TTC31: variants seen among roughly 807,000 people sequenced by gnomAD.
The protein encoded by TTC31 is tetratricopeptide repeat protein 31.
A neutral mutation model predicts 60.4 loss-of-function variants in TTC31; 59 were observed. The ratio of observed to expected loss-of-function variants is 0.98; its 90% CI spans 0.79 to 1.21. The LOEUF (loss-of-function observed/expected upper bound fraction) is 1.21. Ranked by LOEUF, TTC31 falls within the 50% of genes most tolerant of loss-of-function variation. The pLI, the probability that TTC31 is intolerant of heterozygous loss-of-function variation, is 0.00. For missense variants in TTC31, 672 were observed against 646.9 expected, an observed-to-expected ratio of 1.04 and a Z score of -0.42; for synonymous variants, 225 against 249.6, an observed-to-expected ratio of 0.90 and a Z score of 0.93.
rs1674130584 is a variant in TTC31 at position 74,493,087 on chromosome 2, C to T, written c.1429C>T (p.His477Tyr). 6.2e-7 allele frequency: 1 copy of T among 1,614,128 alleles called. No homozygotes were observed. The highest frequency in any genetic ancestry group is 8.5e-7 in the Non-Finnish European group (1 of 1,180,008). ...TCCACTCTTGCATTATCCTTCATGT[C>T]ACCGAAGCCACCCCAACCAGCCCCT... is the stretch of plus-strand genomic sequence containing the variant. ...LSPLLHYPSC[H>Y]RSHPNQPLSQ... Residue 477 changes from histidine to tyrosine, a missense_variant, in exon 13 of 13, where the codon CAC (histidine) becomes TAC (tyrosine). His to Tyr is a moderately conservative substitution (Grantham distance 83). Transcript: ENST00000233623.
intron 2 of TTC31, among the ~76,000 whole-genome samples, chr2:74,485,137 C>T (rs1315242309): frequency 6.6e-6 from 1 of 151,712 alleles, no homozygotes; most frequent in East Asian, 1.9e-4. Flanking sequence ...GGCAATTTTC[C>T]TGCCACAGCC....
rs1237645390 is a variant in TTC31 at position 74,491,392 on chromosome 2, T to C, written c.684+17T>C. 14 of 1,614,210 alleles carry C rather than the reference T, an allele frequency of 8.7e-6. No individual in the cohort carries two copies. The highest frequency in any genetic ancestry group is 1.1e-5 in the Non-Finnish European group (13 of 1,180,022). On this transcript the variant is annotated intron_variant, in intron 7 of 12. Coordinates refer to ENST00000233623, the MANE Select transcript of TTC31 (RefSeq NM_022492.6). ...GAAGAAGAGGTGAGAGCCCCTTTTT[T>C]CCCTTCTTGGTCTCTGCTCATTTTC...
At position 74,492,652 on chromosome 2, in the gene TTC31, A is replaced by G; in HGVS notation, c.1168A>G (p.Arg390Gly). The G allele has an allele frequency of 6.2e-7, 1 of 1,614,180 alleles. No homozygotes were observed. Among genetic ancestry groups the G allele is most frequent in the Admixed American group, 1.7e-5 (1 of 60,026 alleles). The change falls in exon 12 of 13, where the codon AGA (arginine) becomes GGA (glycine). Residue 390 changes from arginine (R) to glycine (G), a missense_variant. Arg to Gly is a moderately radical substitution (Grantham distance 125, BLOSUM62 -2). Transcript: ENST00000233623. Reference protein sequence around the residue: ...GKALMGLQRFREAAAVFQETL... With the variant: ...GKALMGLQRFGEAAAVFQETL... ...GATCCCTCTGGGACCAAAGCGCTTC[A>G]GAGAGGCAGCTGCTGTGTTTCAGGA...
rs1673998163 is a variant in TTC31 at position 74,492,258 on chromosome 2, A to G, written c.1019+29A>G. The G allele has an allele frequency of 3.7e-6, 6 of 1,613,700 alleles. No individual in the cohort carries two copies. In the Admixed American group the frequency reaches 8.3e-5, roughly 22 times the overall value. On this transcript the variant is annotated intron_variant, in intron 10 of 12. Transcript: ENST00000233623. ...GGTGGGGGCTTGGCCAGGGCAGGGC[A>G]GAGTGTTGAGGACTCAGACCTTTGG...
chr2:74,486,611 G>T (rs1444985013), intron 2 of TTC31, among the ~76,000 whole-genome samples: 1 of 152,146 alleles, frequency 6.6e-6, no homozygotes, highest in Non-Finnish European at 1.5e-5. Flanking sequence ...GTAGTGGTCA[G>T]GCCAAGTGTG....
chr2:74,487,686 T>A (rs115067042), intron 2 of TTC31, among the ~76,000 whole-genome samples: 2,451 of 152,038 alleles, frequency 0.016, 64 homozygotes, highest in African/African-American at 0.053. Flanking sequence ...TTAATTAATT[T>A]ATTTATTTTT....
At chr2:74,490,510 G>T in intron 4 of TTC31, 37 bp downstream of exon 4, 1 of 1,560,776 alleles carries the variant, frequency 6.4e-7, no homozygotes, top group Non-Finnish European at 8.7e-7. Flanking sequence ...CGTCCCCCAG[G>T]GTTCTTTCAA....
intron 4 of TTC31, 88 bp downstream of exon 4, chr2:74,490,561 C>A (rs1673727853): frequency 1.3e-6 from 2 of 1,535,302 alleles, no homozygotes; most frequent in East Asian, 2.4e-5. Context: ...TAATTGGTAC[C>A]TTTCAAGATC....
intron 2 of TTC31, among the ~76,000 whole-genome samples, chr2:74,484,575 C>T (rs1479114975): frequency 1.3e-5 from 2 of 152,044 alleles, no homozygotes; most frequent in Non-Finnish European, 2.9e-5. Flanking sequence ...TCTTCTGCCT[C>T]AGCCTCCTGA....
chr2:74,491,432 G>A (rs762110872), intron 7 of TTC31, 49 bp from the exon 8 acceptor site: 5 of 1,613,756 alleles, frequency 3.1e-6, no homozygotes, highest in Non-Finnish European at 4.2e-6. Context: ...TCCTCCTCCA[G>A]AATGTACTTC....
chr2:74,486,992 G>A (rs1463069866), intron 2 of TTC31, among the ~76,000 whole-genome samples: 1 of 152,202 alleles, frequency 6.6e-6, no homozygotes, highest in Non-Finnish European at 1.5e-5. Context: ...GTTCACTGGG[G>A]AAAAAGCATT....
intron 11 of TTC31, 44 bp from the exon 12 acceptor site, chr2:74,492,602 C>A: frequency 6.2e-7 from 1 of 1,609,938 alleles, no homozygotes; most frequent in Non-Finnish European, 8.5e-7. Flanking sequence ...CTTTTAAGCA[C>A]CTTGACACCT....
intron 2 of TTC31, among the ~76,000 whole-genome samples, chr2:74,486,908 A>G (rs1330161615): frequency 2.6e-5 from 4 of 151,686 alleles, no homozygotes; most frequent in Admixed American, 2.0e-4. Flanking sequence ...AAAAAAAAAA[A>G]GGAGTGTTCA....
intron 11 of TTC31, 94 bp from the exon 12 acceptor site, chr2:74,492,552 G>A: frequency 6.4e-7 from 1 of 1,553,336 alleles, no homozygotes; most frequent in Non-Finnish European, 8.7e-7. Flanking sequence ...TGTCACAATG[G>A]TTGTGGTACT....
intron 2 of TTC31, among the ~76,000 whole-genome samples, chr2:74,486,585 G>A (rs1379101981): frequency 6.6e-6 from 1 of 152,130 alleles, no homozygotes; most frequent in Non-Finnish European, 1.5e-5. Context: ...GAGTTGGGAA[G>A]TTTCTCCTTC....
In TTC31 at chr2:74,490,382, C is replaced by T. The variant is rs781697502; in HGVS notation, c.371C>T (p.Pro124Leu). 1 of 1,614,102 alleles carries T rather than the reference C, an allele frequency of 6.2e-7. No homozygotes were observed. The stretch of plus-strand genomic sequence containing the variant: ...CCTCCCCAAGAGTCTGAGCCCTGCC[C>T]TCAAAGCCCCTCTGCCTCTGCCACC... ...LYPPQESEPCPQSPSASATFP... is the reference protein window; with the variant it reads ...LYPPQESEPCLQSPSASATFP... The change falls in exon 4 of 13, where the codon CCT becomes CTT. Residue 124 changes from proline to leucine, a missense_variant. Pro to Leu is a moderately conservative substitution (Grantham distance 98). Coordinates refer to ENST00000233623, the MANE Select transcript of TTC31 (RefSeq NM_022492.6).
rs1489232791 is a variant in TTC31 at position 74,494,375 on chromosome 2, A to G, written c.*1157A>G. ...ACTGTGTAGCAGGATGAAGTCTACC[A>G]TTACCAGCTGGGTCACCTTGGATGG... On this transcript the variant is annotated 3_prime_UTR_variant, in exon 13 of 13. Coordinates refer to ENST00000233623, the MANE Select transcript of TTC31 (RefSeq NM_022492.6). 6.6e-6 allele frequency: 1 copy of G among 152,204 alleles called. No individual in the cohort carries two copies. Among genetic ancestry groups the G allele is most frequent in the Admixed American group, 6.5e-5 (1 of 15,280 alleles). The allele number at this position is 152,204 out of a possible 1,614,324, so 9.4% of individuals were successfully genotyped here.
chr2:74,483,235 A>C, intron 1 of TTC31, 87 bp from the exon 2 acceptor site: 1 of 1,613,200 alleles, frequency 6.2e-7, no homozygotes, highest in Non-Finnish European at 8.5e-7. Flanking sequence ...TTTTATGCAG[A>C]GGGCGGAGAG....
intron 2 of TTC31, 159 bp downstream of exon 2, chr2:74,483,569 T>A: frequency 1.3e-6 from 2 of 1,500,300 alleles, no homozygotes; most frequent in Non-Finnish European, 1.8e-6. Flanking sequence ...CTTAGGCAAG[T>A]GAGGGGCAGG....
Sources: gnomAD v4.1 joint callset for allele counts (sites outside exome capture counted in the v4.1 genomes callset) on GRCh38, gnomAD v4.1.1 for gene constraint, MANE v1.5 for transcripts, NCBI Gene and HGNC (gene_info 2026-07-23, HGNC 2026-07-21) for gene names.